The following NTRK2 variants were observed in gnomAD, a reference collection of about 807,000 sequenced individuals.
The protein encoded by NTRK2 is BDNF/NT-3 growth factors receptor.
NTRK2 carries 13 observed loss-of-function variants against 94.5 expected under a neutral mutation model. That is an observed-to-expected ratio of 0.14 (90% CI 0.09 to 0.22). NTRK2 has a LOEUF of 0.22. NTRK2 is among the 10% of genes least tolerant of loss of function. NTRK2 has a pLI of 1.00. For missense variants in NTRK2, 639 were observed against 1,071.2 expected (o/e 0.60, Z 5.63); for synonymous variants, 372 against 407.4 (o/e 0.91, Z 1.05).
At chr9:84,960,539 A>T (rs1824788228) in intron 17 of NTRK2, among the ~76,000 whole-genome samples, 1 of 152,196 alleles carries the variant, frequency 6.6e-6, no homozygotes, top group South Asian at 2.1e-4. Context: ...GGATGGATGG[A>T]TAGATTGATT....
At chr9:84,805,246 A>G (rs1454692011) in intron 12 of NTRK2, among the ~76,000 whole-genome samples, 1 of 152,226 alleles carries the variant, frequency 6.6e-6, no homozygotes. Flanking sequence ...TTCATTTTGC[A>G]ACATCAGACC....
intron 4 of NTRK2, among the ~76,000 whole-genome samples, 184 bp downstream of exon 4, chr9:84,702,603 T>A (rs2060800837): frequency 6.6e-6 from 1 of 152,208 alleles, no homozygotes; most frequent in Non-Finnish European, 1.5e-5. Context: ...GAGGGGTACT[T>A]AGAACAGGCT....
At chr9:84,691,847 G>T (rs1156630366) in intron 2 of NTRK2, among the ~76,000 whole-genome samples, 2 of 152,160 alleles carry the variant, frequency 1.3e-5, no homozygotes, top group Non-Finnish European at 2.9e-5. Context: ...GCTCCCTTAG[G>T]CTCCCGTGGT....
At chr9:85,006,617 G>A (rs1299075427) in intron 17 of NTRK2, among the ~76,000 whole-genome samples, 1 of 149,750 alleles carries the variant, frequency 6.7e-6, no homozygotes, top group Non-Finnish European at 1.5e-5. Context: ...CACCCCTGGG[G>A]ACAGGGCACC....
At chr9:84,939,051 CAAAA>C (rs138558531) in intron 15 of NTRK2, among the ~76,000 whole-genome samples, 4 of 68,412 alleles carry the variant, frequency 5.8e-5, no homozygotes, top group South Asian at 7.1e-4. Flanking sequence ...GACCCCAACT[CAAAA>C]AAAAAAAAAA....
chr9:84,797,106 T>C (rs1220262164), intron 12 of NTRK2, among the ~76,000 whole-genome samples: 1 of 152,100 alleles, frequency 6.6e-6, no homozygotes, highest in African/African-American at 2.4e-5. Context: ...AACAGTACGA[T>C]GTTCACTGAA....
intron 14 of NTRK2, among the ~76,000 whole-genome samples, chr9:84,898,790 C>T (rs1205524544): frequency 6.6e-6 from 1 of 152,020 alleles, no homozygotes; most frequent in Non-Finnish European, 1.5e-5. Flanking sequence ...GCAATCTCTG[C>T]CTCCTGGCTT....
intron 9 of NTRK2, among the ~76,000 whole-genome samples, chr9:84,731,817 C>T (rs748483067): frequency 4.2e-4 from 64 of 152,206 alleles, no homozygotes; most frequent in African/African-American, 1.0e-3. Flanking sequence ...CCAAGATCCC[C>T]GTGTAATGTA....
chr9:84,793,991 C>G (rs542147785), intron 12 of NTRK2, among the ~76,000 whole-genome samples: 1 of 152,188 alleles, frequency 6.6e-6, no homozygotes. Flanking sequence ...CTGACCTCTT[C>G]TATGCAAAAT....
intron 17 of NTRK2, among the ~76,000 whole-genome samples, chr9:85,007,296 GA>G (rs1344278128): frequency 6.6e-6 from 1 of 152,242 alleles, no homozygotes; most frequent in African/African-American, 2.4e-5. Context: ...TATGCCATCA[GA>G]AAGAGCTAAA....
At chr9:84,886,533 A>G (rs1472349432) in intron 14 of NTRK2, among the ~76,000 whole-genome samples, 2 of 152,150 alleles carry the variant, frequency 1.3e-5, no homozygotes, top group African/African-American at 4.8e-5. Context: ...GGGGCCTCCA[A>G]CTGTTTCAGA....
chr9:84,975,505 C>T (rs1005285028), intron 17 of NTRK2, among the ~76,000 whole-genome samples: 7 of 152,126 alleles, frequency 4.6e-5, no homozygotes, highest in Non-Finnish European at 8.8e-5. Flanking sequence ...ATCACATTGG[C>T]GTTATTTGTC....
intron 12 of NTRK2, among the ~76,000 whole-genome samples, chr9:84,849,904 C>T (rs1587666825): frequency 1.3e-5 from 2 of 152,132 alleles, no homozygotes; most frequent in African/African-American, 4.8e-5. Context: ...GGGAAGTGCC[C>T]TGCTTGATGC....
chr9:84,943,242 A>G (rs911195261), intron 15 of NTRK2, among the ~76,000 whole-genome samples: 11 of 152,242 alleles, frequency 7.2e-5, no homozygotes, highest in African/African-American at 2.4e-4. Context: ...GTCACATCCT[A>G]CAATATTCTA....
chr9:84,691,542 T>C (rs2060048480), intron 2 of NTRK2, among the ~76,000 whole-genome samples: 1 of 152,140 alleles, frequency 6.6e-6, no homozygotes, highest in African/African-American at 2.4e-5. Context: ...ATCTGTTCTC[T>C]TTGAAAACCA....
chr9:84,744,830 C>T (rs1021624509), intron 10 of NTRK2, 143 bp from the exon 11 acceptor site: 11 of 765,724 alleles, frequency 1.4e-5, no homozygotes, highest in South Asian at 5.5e-5. Flanking sequence ...AGCCTGGTCA[C>T]GTCCCTCCAC....
At chr9:85,003,696 G>A (rs908316364) in intron 17 of NTRK2, among the ~76,000 whole-genome samples, 2 of 151,998 alleles carry the variant, frequency 1.3e-5, no homozygotes, top group East Asian at 3.9e-4. Context: ...TCCAGTTGCT[G>A]TATGGGGAAT....
At chr9:85,011,997 T>C (rs920482448) in intron 17 of NTRK2, among the ~76,000 whole-genome samples, 2 of 151,406 alleles carry the variant, frequency 1.3e-5, no homozygotes, top group African/African-American at 4.9e-5. Flanking sequence ...TTTTATTTTA[T>C]TTTACTTTTG....
intron 14 of NTRK2, among the ~76,000 whole-genome samples, chr9:84,918,748 TC>T (rs2077472398): frequency 6.6e-6 from 1 of 152,188 alleles, no homozygotes; most frequent in Non-Finnish European, 1.5e-5. Context: ...ATTCTTTCGT[TC>T]CGATTATAAA....
Sources: allele counts gnomAD v4.1 joint callset (sites outside exome capture counted in the v4.1 genomes callset), GRCh38; gene constraint gnomAD v4.1.1; transcripts MANE v1.5; gene names NCBI Gene and HGNC (gene_info 2026-07-23, HGNC 2026-07-21).